The following FOXJ3 variants were observed in gnomAD, a reference collection of about 807,000 sequenced individuals.
The protein encoded by FOXJ3 is forkhead box J3.
A neutral mutation model predicts 76.1 loss-of-function variants in FOXJ3; 22 were observed. That is an observed-to-expected ratio of 0.29 (90% CI 0.21 to 0.41). FOXJ3 has a LOEUF of 0.41. Ranked by LOEUF, FOXJ3 falls within the 10% of genes least tolerant of loss-of-function variation. The pLI is 1.00. For missense variants in FOXJ3, 613 were observed against 762.1 expected, an observed-to-expected ratio of 0.80 and a Z score of 2.30; for synonymous variants, 269 against 261.2, an observed-to-expected ratio of 1.03 and a Z score of -0.29.
rs1212363350 is a variant in FOXJ3 at position 42,303,137 on chromosome 1, TA to T, written c.44+7912del. Among the ~76,000 whole-genome samples the T allele has an allele frequency of 3.9e-5, 6 of 152,218 alleles. No individual in the cohort carries two copies. In the East Asian group the frequency reaches 1.2e-3, roughly 29 times the overall value. On this transcript the variant is annotated intron_variant, in intron 2 of 12. Coordinates refer to ENST00000361346, the MANE Select transcript of FOXJ3 (RefSeq NM_014947.5). ...TTAAGAAAAAAGCCTGAAATTACAA[TA>T]AATACTTATAGCCAAGAGGCAGTAG...
chr1:42,311,291 A>G (rs567275193), intron 1 of FOXJ3, among the ~76,000 whole-genome samples, 181 bp from the exon 2 acceptor site: 6 of 152,366 alleles, frequency 3.9e-5, no homozygotes, highest in Admixed American at 6.5e-5. Context: ...CTACTGAGTC[A>G]TAAGAGGGAT....
At chr1:42,201,297 A>T (rs935320909) in intron 6 of FOXJ3, among the ~76,000 whole-genome samples, 2 of 152,222 alleles carry the variant, frequency 1.3e-5, no homozygotes, top group African/African-American at 2.4e-5. Context: ...TGCTGATGGC[A>T]AACATCTTTC....
At chr1:42,306,443 C>T (rs960141598) in intron 2 of FOXJ3, among the ~76,000 whole-genome samples, 5 of 151,872 alleles carry the variant, frequency 3.3e-5, no homozygotes, top group Admixed American at 6.6e-5. Context: ...GCTGGGACTA[C>T]AGGCGAGTGC....
intron 4 of FOXJ3, among the ~76,000 whole-genome samples, chr1:42,241,710 C>T (rs1649156903): frequency 6.6e-6 from 1 of 152,240 alleles, no homozygotes; most frequent in Non-Finnish European, 1.5e-5. Context: ...TGTCCCACCA[C>T]CATTACTGCC....
intron 5 of FOXJ3, among the ~76,000 whole-genome samples, chr1:42,221,277 A>G (rs1212901292): frequency 3.3e-5 from 5 of 152,236 alleles, no homozygotes; most frequent in Non-Finnish European, 7.3e-5. Flanking sequence ...CCTCACACAC[A>G]GAGAACTACT....
chr1:42,245,382 G>A (rs963296188), intron 4 of FOXJ3, among the ~76,000 whole-genome samples: 1 of 152,056 alleles, frequency 6.6e-6, no homozygotes, highest in Non-Finnish European at 1.5e-5. Flanking sequence ...AGAACTGCAG[G>A]CCAATTATCT....
At chr1:42,210,871 C>A (rs1292999000) in intron 5 of FOXJ3, among the ~76,000 whole-genome samples, 1 of 152,120 alleles carries the variant, frequency 6.6e-6, no homozygotes, top group African/African-American at 2.4e-5. Context: ...AGCAGCTACA[C>A]CCAGAAGAGC....
At chr1:42,181,324 C>T (rs1646313293) in intron 12 of FOXJ3, among the ~76,000 whole-genome samples, 1 of 152,168 alleles carries the variant, frequency 6.6e-6, no homozygotes, top group African/African-American at 2.4e-5. Context: ...ATGAATCCTG[C>T]ATTCAAGAAC....
intron 5 of FOXJ3, among the ~76,000 whole-genome samples, chr1:42,210,730 A>G (rs920887422): frequency 6.6e-6 from 1 of 152,098 alleles, no homozygotes; most frequent in African/African-American, 2.4e-5. Context: ...CTCATAGTCT[A>G]CATAACTCCC....
chr1:42,198,995 G>A (rs1009327631), intron 7 of FOXJ3, 107 bp downstream of exon 7: 12 of 847,072 alleles, frequency 1.4e-5, no homozygotes, highest in African/African-American at 1.7e-5. Context: ...AAATTTATTA[G>A]TGAGAAAAAC....
chr1:42,185,601 G>T (rs1646419560), intron 11 of FOXJ3, among the ~76,000 whole-genome samples: 1 of 151,978 alleles, frequency 6.6e-6, no homozygotes, highest in Non-Finnish European at 1.5e-5. Context: ...TACTACAGGG[G>T]TCATGTCTTT....
At chr1:42,238,589 G>A (rs1399578167) in intron 4 of FOXJ3, among the ~76,000 whole-genome samples, 1 of 151,756 alleles carries the variant, frequency 6.6e-6, no homozygotes, top group Non-Finnish European at 1.5e-5. Flanking sequence ...TTGAGATAGG[G>A]TCTCTGTCAC....
At chr1:42,226,026 C>A (rs1252744258) in intron 5 of FOXJ3, among the ~76,000 whole-genome samples, 2 of 152,142 alleles carry the variant, frequency 1.3e-5, no homozygotes, top group Admixed American at 6.5e-5. Flanking sequence ...TAGAGAAGAA[C>A]GCAATTCTTC....
chr1:42,273,558 C>T (rs1293711294), intron 3 of FOXJ3, among the ~76,000 whole-genome samples: 1 of 151,204 alleles, frequency 6.6e-6, no homozygotes, highest in Non-Finnish European at 1.5e-5. Flanking sequence ...GCCTATAGTC[C>T]CTGCTACTCG....
chr1:42,228,864 T>C (rs1298970527), intron 4 of FOXJ3, among the ~76,000 whole-genome samples: 1 of 152,138 alleles, frequency 6.6e-6, no homozygotes, highest in Non-Finnish European at 1.5e-5. Flanking sequence ...ACACAATGTA[T>C]ATCCTAGTTT....
At chr1:42,295,519 CTTTTTTT>C (rs34641810) in intron 2 of FOXJ3, among the ~76,000 whole-genome samples, 5 of 79,074 alleles carry the variant, frequency 6.3e-5, no homozygotes, top group Admixed American at 1.7e-4. Context: ...CTACAAGTGT[CTTTTTTT>C]TTTTTTTTTT....
At chr1:42,313,628 G>C (rs1654937535) in intron 1 of FOXJ3, among the ~76,000 whole-genome samples, 1 of 152,156 alleles carries the variant, frequency 6.6e-6, no homozygotes, top group South Asian at 2.1e-4. Flanking sequence ...AGACATCCTT[G>C]GGACCAGGGT....
chr1:42,293,637 C>A (rs1057110038), intron 2 of FOXJ3, among the ~76,000 whole-genome samples: 4 of 152,170 alleles, frequency 2.6e-5, no homozygotes, highest in African/African-American at 9.7e-5. Flanking sequence ...GGCTTCCAAT[C>A]CAGTCTCACG....
In FOXJ3 at chr1:42,335,099, G is replaced by T. The variant is rs1656403861; in HGVS notation, c.-58C>A. 1 of 152,186 alleles carries T rather than the reference G, an allele frequency of 6.6e-6. No homozygotes were observed. The highest frequency in any genetic ancestry group is 6.6e-5 in the Admixed American group (1 of 15,266). The allele number at this position is 152,186 out of a possible 1,614,324, so 9.4% of individuals were successfully genotyped here. A position where few individuals can be genotyped will look rare whatever the true frequency, so the allele number is the denominator to read the frequency against. ...CCGGGACGGCCCGGCCGAGCCCCCGGCCGCTCCGTGCGTCTCCGCCCCCCC... is the reference window on the plus strand; with the variant it reads ...CCGGGACGGCCCGGCCGAGCCCCCGTCCGCTCCGTGCGTCTCCGCCCCCCC... On this transcript the variant is annotated 5_prime_UTR_variant, in exon 1 of 13. Coordinates refer to ENST00000361346, the MANE Select transcript of FOXJ3 (RefSeq NM_014947.5).
Sources: allele counts gnomAD v4.1 joint callset (sites outside exome capture counted in the v4.1 genomes callset), GRCh38; gene constraint gnomAD v4.1.1; transcripts MANE v1.5; gene names NCBI Gene and HGNC (gene_info 2026-07-23, HGNC 2026-07-21).